The following NUP88 variants were observed in gnomAD, a reference collection of about 807,000 sequenced individuals.
NUP88 encodes nuclear pore complex protein Nup88.
NUP88 carries 57 observed loss-of-function variants against 93.9 expected under a neutral mutation model. The observed-to-expected ratio is 0.61, with a 90% CI of 0.49 to 0.76. NUP88 has a LOEUF of 0.76. Ranked by LOEUF, NUP88 falls within the 30% of genes least tolerant of loss-of-function variation. The pLI, the probability that NUP88 is intolerant of heterozygous loss-of-function variation, is 0.00. For missense variants in NUP88, 911 were observed against 901.0 expected (o/e 1.01, Z -0.14); for synonymous variants, 346 against 336.8 (o/e 1.03, Z -0.30).
intron 7 of NUP88, among the ~76,000 whole-genome samples, chr17:5,401,266 C>G (rs1913144537): frequency 6.6e-6 from 1 of 152,052 alleles, no homozygotes. Flanking sequence ...GCCTGCAATC[C>G]CAGCTACTCG....
chr17:5,413,126 T>C (rs1042292085), intron 3 of NUP88, among the ~76,000 whole-genome samples: 2 of 152,214 alleles, frequency 1.3e-5, no homozygotes, highest in Admixed American at 1.3e-4. Flanking sequence ...TACCGGCACA[T>C]GCCATTATGC....
chr17:5,410,096 T>G (rs993184584), intron 4 of NUP88, among the ~76,000 whole-genome samples: 1 of 152,204 alleles, frequency 6.6e-6, no homozygotes, highest in Non-Finnish European at 1.5e-5. Flanking sequence ...CTGATTAAAC[T>G]GATCTGATTA....
rs1914032090 is a variant in NUP88, at chr17:5,414,655, C to T, written c.468-521G>A. On this transcript the variant is annotated intron_variant, in intron 2 of 16. Transcript: ENST00000573584. Reference sequence around the variant, plus strand: ...ATAGCACACTGGCTGGGCGCAATGGCTCACGCCTATCTTAGCACTTTGGGA... The same window carrying T: ...ATAGCACACTGGCTGGGCGCAATGGTTCACGCCTATCTTAGCACTTTGGGA... 3.3e-5 allele frequency among the ~76,000 whole-genome samples: 5 copies of T among 152,236 alleles called. No individual in the cohort carries two copies. In the South Asian group the frequency reaches 8.3e-4, roughly 25 times the overall value.
At chr17:5,407,176 C>T (rs1167009214) in intron 5 of NUP88, among the ~76,000 whole-genome samples, 3 of 152,338 alleles carry the variant, frequency 2.0e-5, no homozygotes, top group African/African-American at 7.2e-5. Context: ...GCTCTTTCAT[C>T]TTTCTAATCT....
At chr17:5,387,565 C>T in intron 13 of NUP88, 40 bp downstream of exon 13, 1 of 1,599,650 alleles carries the variant, frequency 6.3e-7, no homozygotes, top group South Asian at 1.1e-5. Context: ...TGGTTCCAGT[C>T]TTACTGACCT....
intron 6 of NUP88, 87 bp downstream of exon 6, chr17:5,404,970 T>C: frequency 8.8e-7 from 1 of 1,141,380 alleles, no homozygotes; most frequent in Non-Finnish European, 1.2e-6. Context: ...TAAGTTAAAA[T>C]TCCTTCTCAT....
At chr17:5,413,944 T>C in intron 3 of NUP88, 65 bp downstream of exon 3, 4 of 1,567,442 alleles carry the variant, frequency 2.6e-6, no homozygotes, top group Non-Finnish European at 3.5e-6. Flanking sequence ...GTTGAGCTGT[T>C]AATTGGCAAA....
At chr17:5,397,030 C>T (rs1314789540) in intron 8 of NUP88, among the ~76,000 whole-genome samples, 1 of 151,868 alleles carries the variant, frequency 6.6e-6, no homozygotes, top group Non-Finnish European at 1.5e-5. Context: ...TAATAGTATT[C>T]TTGAAGAAAA....
At chr17:5,407,629 GTCA>G (rs1373300271) in intron 5 of NUP88, among the ~76,000 whole-genome samples, 2 of 152,028 alleles carry the variant, frequency 1.3e-5, no homozygotes, top group Non-Finnish European at 2.9e-5. Context: ...CTTCTTGTCT[GTCA>G]TCATCCTGTA....
In NUP88 at chr17:5,387,681, A is replaced by G; in HGVS notation, c.1770-11T>C. 6.2e-7 allele frequency: 1 copy of G among 1,610,928 alleles called. No homozygotes were observed. Among genetic ancestry groups the G allele is most frequent in the South Asian group, 1.1e-5 (1 of 90,930 alleles). ...CATAATAATTTGACCCTTTAAAAAC[A>G]AAAAGAAATAGAGTTTATTCAGAAG... On this transcript the variant is annotated splice_polypyrimidine_tract_variant and intron_variant, in intron 12 of 16. Transcript: ENST00000573584.
intron 10 of NUP88, 22 bp downstream of exon 10, chr17:5,391,539 G>C: frequency 6.3e-7 from 1 of 1,574,850 alleles, no homozygotes; most frequent in Non-Finnish European, 8.7e-7. Flanking sequence ...GAGCTGTGTG[G>C]AGAATATAAA....
rs200876744 is a variant in NUP88, at chr17:5,387,590, A to C, written c.1835+15T>G. ...CTTACTGACCTATTGTATTCTTCTTATTTTTGACACTTACCTCTCTTCTCG... is the reference window on the plus strand; with the variant it reads ...CTTACTGACCTATTGTATTCTTCTTCTTTTTGACACTTACCTCTCTTCTCG... On this transcript the variant is annotated intron_variant, in intron 13 of 16. Coordinates refer to ENST00000573584, the MANE Select transcript of NUP88 (RefSeq NM_002532.6). 76 of 1,609,878 alleles carry C rather than the reference A, an allele frequency of 4.7e-5. No homozygotes were observed. Among genetic ancestry groups the C allele is most frequent in the Non-Finnish European group, 6.3e-5 (74 of 1,176,828 alleles).
At chr17:5,392,317 C>T (rs1912491950) in intron 9 of NUP88, among the ~76,000 whole-genome samples, 2 of 152,218 alleles carry the variant, frequency 1.3e-5, no homozygotes, top group Non-Finnish European at 2.9e-5. Flanking sequence ...ATCTACTTCC[C>T]CTCAGCTTGC....
intron 3 of NUP88, 87 bp downstream of exon 3, chr17:5,413,922 A>C: frequency 1.4e-6 from 2 of 1,413,172 alleles, no homozygotes; most frequent in Non-Finnish European, 2.0e-6. Context: ...TCAATGACTC[A>C]CTTCGTTCTA....
In NUP88 at chr17:5,410,688, CAAAT is replaced by C. The variant is rs752070273; in HGVS notation, c.680+11_680+14del. The C allele has an allele frequency of 6.7e-7, 1 of 1,497,488 alleles. No individual in the cohort carries two copies. Among genetic ancestry groups the C allele is most frequent in the Non-Finnish European group, 9.2e-7 (1 of 1,088,990 alleles). The allele number at this position is 1,497,488 out of a possible 1,614,324, so 92.8% of individuals were successfully genotyped here. A position where few individuals can be genotyped will look rare whatever the true frequency, so the allele number is the denominator to read the frequency against. ...CTAATTAAAAAACCATTTCAAGACTCAAATAAAAACTTACCCTTTATTGAGTACT... is the reference window on the plus strand; with the variant it reads ...CTAATTAAAAAACCATTTCAAGACTCAAAAACTTACCCTTTATTGAGTACT... On this transcript the variant is annotated intron_variant, in intron 4 of 16. Transcript: ENST00000573584.
At chr17:5,403,419 G>A (rs564002320) in intron 7 of NUP88, among the ~76,000 whole-genome samples, 3 of 152,348 alleles carry the variant, frequency 2.0e-5, no homozygotes, top group East Asian at 1.9e-4. Flanking sequence ...GGAGGTTGCA[G>A]TGAGCTGAGA....
At chr17:5,403,203 C>CACTA (rs1431876218) in intron 7 of NUP88, among the ~76,000 whole-genome samples, 1 of 151,804 alleles carries the variant, frequency 6.6e-6, no homozygotes, top group African/African-American at 2.4e-5. Flanking sequence ...AATTGCCAGG[C>CACTA]GTAGTGGCTC....
At chr17:5,392,038 CA>C (rs763678192) in intron 9 of NUP88, among the ~76,000 whole-genome samples, 6 of 152,256 alleles carry the variant, frequency 3.9e-5, no homozygotes, top group Admixed American at 6.5e-5. Context: ...GAGTCTCTCT[CA>C]ATGAGGCCCA....
chr17:5,416,158 A>AGTATATATGTAT, intron 2 of NUP88, among the ~76,000 whole-genome samples: 1 of 94,038 alleles, frequency 1.1e-5, no homozygotes, highest in African/African-American at 4.1e-5. Flanking sequence ...AAAAAAAAAA[A>AGTATATATGTAT]AAAAAAAAGT....
Sources: allele counts gnomAD v4.1 joint callset (sites outside exome capture counted in the v4.1 genomes callset), GRCh38; gene constraint gnomAD v4.1.1; transcripts MANE v1.5; gene names NCBI Gene and HGNC (gene_info 2026-07-23, HGNC 2026-07-21).